Variants in NRXN1 observed in about 807,000 individuals in gnomAD.
NRXN1 encodes the protein neurexin 1, also known as neurexin-1.
In NRXN1, 39 loss-of-function variants were observed where a neutral mutation model predicts 150.9. The observed-to-expected ratio is 0.26, with a 90% CI of 0.20 to 0.34. NRXN1 has a LOEUF of 0.34. Ranked by LOEUF, NRXN1 falls within the 10% of genes least tolerant of loss-of-function variation. NRXN1 has a pLI of 1.00. For synonymous variants in NRXN1, 924 were observed against 757.0 expected (o/e 1.22, Z -3.62); for missense variants, 1,815 against 1,949.9 (o/e 0.93, Z 1.30).
chr2:50,822,424 G>C (rs142944607), intron 5 of NRXN1, among the ~76,000 whole-genome samples: 1 of 152,098 alleles, frequency 6.6e-6, no homozygotes, highest in African/African-American at 2.4e-5. Context: ...AACAAATAAG[G>C]AAAGTCTTAA....
At chr2:50,433,433 TTACATAA>T (rs1365539034) in intron 17 of NRXN1, among the ~76,000 whole-genome samples, 1 of 152,226 alleles carries the variant, frequency 6.6e-6, no homozygotes, top group African/African-American at 2.4e-5. Context: ...TTTTTCATTA[TTACATAA>T]AATACTATTT....
chr2:50,945,109 C>T (rs967882688), intron 2 of NRXN1, among the ~76,000 whole-genome samples: 1 of 152,120 alleles, frequency 6.6e-6, no homozygotes, highest in Non-Finnish European at 1.5e-5. Context: ...TAGGATTTCC[C>T]GACCTTAAAG....
At chr2:50,980,885 T>A (rs1696678183) in intron 2 of NRXN1, among the ~76,000 whole-genome samples, 1 of 152,124 alleles carries the variant, frequency 6.6e-6, no homozygotes, top group Non-Finnish European at 1.5e-5. Flanking sequence ...GGTAGAATAA[T>A]CTTTATAATA....
intron 5 of NRXN1, among the ~76,000 whole-genome samples, chr2:50,664,443 TGGCGG>T (rs1338361119): frequency 1.4e-4 from 16 of 112,278 alleles, no homozygotes; most frequent in South Asian, 6.9e-4. Flanking sequence ...GTGTGTGGCG[TGGCGG>T]GGGCGGGTGG....
chr2:50,116,319 CTAAT>C (rs1474077293), intron 18 of NRXN1, among the ~76,000 whole-genome samples: 39 of 151,946 alleles, frequency 2.6e-4, no homozygotes, highest in African/African-American at 7.5e-4. Flanking sequence ...CCTCATAGGG[CTAAT>C]TAGAGATACA....
chr2:50,950,764 C>T (rs568147091), intron 2 of NRXN1, among the ~76,000 whole-genome samples: 2 of 152,280 alleles, frequency 1.3e-5, no homozygotes, highest in Non-Finnish European at 2.9e-5. Flanking sequence ...TGAGTGTAAG[C>T]GCTAGGGTCC....
At chr2:50,563,389 A>C (rs1468350792) in intron 8 of NRXN1, among the ~76,000 whole-genome samples, 1 of 152,226 alleles carries the variant, frequency 6.6e-6, no homozygotes, top group Non-Finnish European at 1.5e-5. Flanking sequence ...AGATAGATTA[A>C]ATCAGGAAGA....
In NRXN1 at chr2:50,683,206, C is replaced by G. The variant is rs555069474; in HGVS notation, c.833-59591G>C. ...TTATTGCTGACGGTATTTTAATTTT[C>G]TGCTATTTGGCATGACGAACCACAG... On this transcript the variant is annotated intron_variant, in intron 5 of 22. Coordinates refer to ENST00000401669, the MANE Select transcript of NRXN1 (RefSeq NM_001330078.2). Among the ~76,000 whole-genome samples the G allele has an allele frequency of 2.6e-4, 40 of 152,040 alleles. No individual in the cohort carries two copies. The South Asian group carries it at 8.1e-3, about 31-fold the overall frequency.
At chr2:50,514,493 C>T (rs1332369219) in intron 12 of NRXN1, among the ~76,000 whole-genome samples, 1 of 152,196 alleles carries the variant, frequency 6.6e-6, no homozygotes, top group East Asian at 1.9e-4. Flanking sequence ...CCGATCTCAG[C>T]ATTGGGAATA....
intron 2 of NRXN1, among the ~76,000 whole-genome samples, chr2:50,936,704 T>A (rs747518025): frequency 3.9e-5 from 6 of 152,122 alleles, no homozygotes; most frequent in Non-Finnish European, 7.4e-5. Context: ...GAAAGTGTCA[T>A]CGTTTTTTTA....
intron 21 of NRXN1, among the ~76,000 whole-genome samples, chr2:49,960,576 G>A (rs963340801): frequency 6.6e-6 from 1 of 152,126 alleles, no homozygotes; most frequent in Non-Finnish European, 1.5e-5. Flanking sequence ...ATTTAAAGAT[G>A]TTGCATTAAA....
At chr2:49,967,967 C>G (rs932061223) in intron 21 of NRXN1, among the ~76,000 whole-genome samples, 1 of 151,994 alleles carries the variant, frequency 6.6e-6, no homozygotes, top group Non-Finnish European at 1.5e-5. Flanking sequence ...CATAATTCTT[C>G]ACCATATTTT....
At chr2:50,776,672 A>G (rs889429204) in intron 5 of NRXN1, among the ~76,000 whole-genome samples, 1 of 151,710 alleles carries the variant, frequency 6.6e-6, no homozygotes, top group Admixed American at 6.6e-5. Flanking sequence ...ACACACACAC[A>G]CACACATACA....
intron 21 of NRXN1, among the ~76,000 whole-genome samples, chr2:50,011,031 A>G (rs964393270): frequency 1.1e-4 from 16 of 152,192 alleles, no homozygotes; most frequent in African/African-American, 3.6e-4. Context: ...TTAATTAACA[A>G]CTAAGAATTT....
intron 9 of NRXN1, 101 bp from the exon 10 acceptor site, chr2:50,538,737 C>A: frequency 1.1e-6 from 1 of 924,258 alleles, no homozygotes; most frequent in Non-Finnish European, 1.5e-6. Flanking sequence ...TCCTTGGAGG[C>A]AGACAATTAT....
chr2:50,112,634 T>C (rs997236654), intron 18 of NRXN1, among the ~76,000 whole-genome samples: 2 of 152,210 alleles, frequency 1.3e-5, no homozygotes, highest in Admixed American at 6.5e-5. Flanking sequence ...GTGCAAGGGC[T>C]GTTTCATGGC....
At chr2:50,466,294 C>G (rs1308258358) in intron 16 of NRXN1, among the ~76,000 whole-genome samples, 1 of 151,680 alleles carries the variant, frequency 6.6e-6, no homozygotes, top group African/African-American at 2.4e-5. Context: ...AGCCTTTATA[C>G]AAACTATGCT....
chr2:49,995,854 T>G (rs1436106180), intron 21 of NRXN1, among the ~76,000 whole-genome samples: 1 of 92,858 alleles, frequency 1.1e-5, no homozygotes, highest in Non-Finnish European at 2.1e-5. Context: ...AGCACCATGC[T>G]GGATAGTAAA....
At chr2:50,453,628 C>T (rs1321956557) in intron 17 of NRXN1, among the ~76,000 whole-genome samples, 1 of 152,126 alleles carries the variant, frequency 6.6e-6, no homozygotes, top group Non-Finnish European at 1.5e-5. Context: ...TATATAAATG[C>T]TATCTTTTGC....
Sources: allele counts gnomAD v4.1 joint callset (sites outside exome capture counted in the v4.1 genomes callset), GRCh38; gene constraint gnomAD v4.1.1; transcripts MANE v1.5; gene names NCBI Gene and HGNC (gene_info 2026-07-23, HGNC 2026-07-21).